SRGAP3: variants seen among roughly 807,000 people sequenced by gnomAD.
SRGAP3 encodes the protein SLIT-ROBO Rho GTPase activating protein 3.
In SRGAP3, 39 loss-of-function variants were observed where a neutral mutation model predicts 121.1. The observed-to-expected ratio is 0.32, with a 90% confidence interval of 0.25 to 0.42. The LOEUF (loss-of-function observed/expected upper bound fraction) is 0.42, where lower values mean the gene tolerates loss of function less well. Ranked by LOEUF, SRGAP3 falls within the 10% of genes least tolerant of loss-of-function variation. The pLI is 1.00. For synonymous variants in SRGAP3, 601 were observed against 570.0 expected (o/e 1.05, Z -0.77); for missense variants, 1,213 against 1,470.6 (o/e 0.82, Z 2.86).
intron 3 of SRGAP3, among the ~76,000 whole-genome samples, chr3:9,089,508 T>C (rs566269296): frequency 5.1e-4 from 78 of 152,194 alleles, no homozygotes; most frequent in African/African-American, 1.8e-3. Context: ...TGGAGATGAG[T>C]CCAGACCACA....
At chr3:9,289,584 T>C (rs1954838507) in intron 3 of SRGAP3, among the ~76,000 whole-genome samples, 1 of 152,196 alleles carries the variant, frequency 6.6e-6, no homozygotes, top group Admixed American at 6.5e-5. Context: ...GAGATTTTTT[T>C]TGGGGGGGCC....
At chr3:9,165,062 G>A (rs950809483) in intron 1 of SRGAP3, among the ~76,000 whole-genome samples, 1 of 152,236 alleles carries the variant, frequency 6.6e-6, no homozygotes, top group South Asian at 2.1e-4. Flanking sequence ...AGGCAGGCTG[G>A]GCTTAGCTAG....
chr3:9,131,430 A>ATT (rs1329487772), intron 1 of SRGAP3, among the ~76,000 whole-genome samples: 1 of 120,464 alleles, frequency 8.3e-6, no homozygotes, highest in Non-Finnish European at 1.8e-5. Flanking sequence ...GGAAGATCTA[A>ATT]TTCTTTTTTT....
chr3:9,140,881 G>A (rs1351612701), intron 1 of SRGAP3, among the ~76,000 whole-genome samples: 1 of 152,212 alleles, frequency 6.6e-6, no homozygotes, highest in Non-Finnish European at 1.5e-5. Flanking sequence ...CCCTGGGAAA[G>A]TAATTATTGG....
intron 3 of SRGAP3, among the ~76,000 whole-genome samples, chr3:9,323,519 T>G (rs1031980678): frequency 6.6e-6 from 1 of 151,720 alleles, no homozygotes; most frequent in South Asian, 2.1e-4. Context: ...TCTCAGAACA[T>G]CTCGAAGGCC....
intron 3 of SRGAP3, among the ~76,000 whole-genome samples, chr3:9,320,925 C>T (rs3872705): frequency 0.55 from 84,049 of 151,620 alleles, 25,616 homozygotes; most frequent in East Asian, 0.82. Context: ...TGTGTATATA[C>T]AGACAGTATA....
chr3:8,996,790 C>A (rs1291060712), intron 18 of SRGAP3, among the ~76,000 whole-genome samples: 2 of 152,208 alleles, frequency 1.3e-5, no homozygotes, highest in East Asian at 3.9e-4. Flanking sequence ...AGGAGCTGAG[C>A]CCAGACAGCT....
chr3:9,198,409 T>A (rs1951973174), intron 1 of SRGAP3, among the ~76,000 whole-genome samples: 1 of 152,184 alleles, frequency 6.6e-6, no homozygotes, highest in Non-Finnish European at 1.5e-5. Context: ...ACTGGGGTAA[T>A]AAGGAAGGAA....
chr3:9,269,627 T>A (rs1000598543), intron 3 of SRGAP3, among the ~76,000 whole-genome samples: 1 of 152,202 alleles, frequency 6.6e-6, no homozygotes, highest in Non-Finnish European at 1.5e-5. Flanking sequence ...ATTTCCAGCA[T>A]CCTCATGCTG....
At chr3:9,305,182 C>T (rs1031804109) in intron 3 of SRGAP3, among the ~76,000 whole-genome samples, 2 of 152,122 alleles carry the variant, frequency 1.3e-5, no homozygotes, top group African/African-American at 4.8e-5. Context: ...GGTCTGCCAC[C>T]AAAGAAGAGA....
At chr3:9,067,240 A>AT (rs1293388914) in intron 4 of SRGAP3, among the ~76,000 whole-genome samples, 2 of 96,142 alleles carry the variant, frequency 2.1e-5, no homozygotes, top group Admixed American at 1.1e-4. Context: ...TCTGGAGAAC[A>AT]TTAACTAATG....
intron 3 of SRGAP3, among the ~76,000 whole-genome samples, chr3:9,276,428 GT>G (rs61126627): frequency 0.56 from 75,292 of 134,488 alleles, 20,723 homozygotes; most frequent in Admixed American, 0.63. Context: ...TTGACTGTTT[GT>G]TTTTTTTTTT....
chr3:9,222,079 C>T (rs1952833309), intron 1 of SRGAP3, among the ~76,000 whole-genome samples: 1 of 152,164 alleles, frequency 6.6e-6, no homozygotes, highest in Non-Finnish European at 1.5e-5. Flanking sequence ...GCCACAGTGA[C>T]TGGTTCAGGA....
intron 3 of SRGAP3, among the ~76,000 whole-genome samples, chr3:9,302,913 A>T (rs1955089595): frequency 6.6e-6 from 1 of 152,046 alleles, no homozygotes; most frequent in Non-Finnish European, 1.5e-5. Flanking sequence ...AATGGCAACG[A>T]AGATAATACT....
chr3:9,305,788 T>C (rs1955151258), intron 3 of SRGAP3, among the ~76,000 whole-genome samples: 1 of 152,236 alleles, frequency 6.6e-6, no homozygotes, highest in South Asian at 2.1e-4. Flanking sequence ...ATGTGCCACA[T>C]TTCCTTAATC....
chr3:9,052,839 T>C (rs111234431), intron 9 of SRGAP3, among the ~76,000 whole-genome samples, 188 bp downstream of exon 9: 4 of 152,152 alleles, frequency 2.6e-5, no homozygotes, highest in South Asian at 2.1e-4. Flanking sequence ...ATGCTACCCA[T>C]TGGGAATTCA....
chr3:9,169,474 A>G (rs1162564989), intron 1 of SRGAP3, among the ~76,000 whole-genome samples: 1 of 152,218 alleles, frequency 6.6e-6, no homozygotes, highest in Non-Finnish European at 1.5e-5. Context: ...CAAGGCTTTG[A>G]GAACAGTATG....
At chr3:9,319,638 G>T (rs915196780) in intron 3 of SRGAP3, among the ~76,000 whole-genome samples, 1 of 151,880 alleles carries the variant, frequency 6.6e-6, no homozygotes, top group Non-Finnish European at 1.5e-5. Context: ...GGTAAGGAGT[G>T]CAGAAAATTA....
intron 3 of SRGAP3, among the ~76,000 whole-genome samples, chr3:9,303,534 A>C (rs4686340): frequency 0.8 from 121,802 of 152,146 alleles, 49,066 homozygotes; most frequent in East Asian, 0.94. Context: ...GAGATCTCTA[A>C]AACTTAATCA....
Sources: allele counts gnomAD v4.1 joint callset (sites outside exome capture counted in the v4.1 genomes callset), GRCh38; gene constraint gnomAD v4.1.1; transcripts MANE v1.5; gene names NCBI Gene and HGNC (gene_info 2026-07-23, HGNC 2026-07-21).